The following NHSL2 variants were observed in gnomAD, a reference collection of about 807,000 sequenced individuals.
NHSL2 encodes NHS-like protein 2.
Under a neutral mutation model 53.4 loss-of-function variants are expected in NHSL2, and 27 were observed. The observed-to-expected ratio is 0.51, with a 90% CI of 0.37 to 0.70. The LOEUF (loss-of-function observed/expected upper bound fraction) is 0.70, where lower values mean the gene tolerates loss of function less well. Among genes scored for constraint, NHSL2 ranks in the 30% least tolerant of loss-of-function variants. The pLI is 0.00. For synonymous variants in NHSL2, 408 were observed against 404.1 expected (o/e 1.01, Z -0.12); for missense variants, 892 against 980.1 (o/e 0.91, Z 1.20).
At position 72,140,940 on chromosome X, in the gene NHSL2, C is replaced by A. The variant is rs374058916; in HGVS notation, c.3223+169C>A. 126 of 423,630 alleles carry A rather than the reference C, an allele frequency of 3.0e-4. 4 individuals carry two copies. The highest frequency in any genetic ancestry group is 1.4e-3 in the Admixed American group (29 of 20,576). 34.9% of individuals were successfully genotyped at this position (423,630 alleles called of 1,213,427 possible). A position where few individuals can be genotyped will look rare whatever the true frequency, so the allele number is the denominator to read the frequency against. On this transcript the variant is annotated intron_variant, in intron 6 of 7. Coordinates refer to ENST00000633930, the MANE Select transcript of NHSL2 (RefSeq NM_001013627.3). Reference sequence around the variant, plus strand: ...CTCTAAATAGGAACCACGGGCTGGCCTTACTGCCCTTGAGATCAAGACTAG... The same window carrying A: ...CTCTAAATAGGAACCACGGGCTGGCATTACTGCCCTTGAGATCAAGACTAG...
intron 1 of NHSL2, among the ~76,000 whole-genome samples, chrX:71,965,224 T>C (rs1395129228): frequency 8.9e-6 from 1 of 112,674 alleles, no homozygotes; most frequent in Non-Finnish European, 1.9e-5. Context: ...CGTGTTATTG[T>C]CTGGGAGTTT....
intron 1 of NHSL2, among the ~76,000 whole-genome samples, chrX:71,947,526 T>A (rs949578448): frequency 1.8e-5 from 2 of 112,406 alleles, no homozygotes; most frequent in African/African-American, 6.5e-5. Flanking sequence ...AATCACTCCC[T>A]GATGCTTTGA....
chrX:72,135,323 A>T (rs781771811), intron 4 of NHSL2, among the ~76,000 whole-genome samples: 4 of 112,059 alleles, frequency 3.6e-5, no homozygotes, highest in African/African-American at 1.3e-4. Context: ...GTGCTGTATT[A>T]TATGTAGCCC....
chrX:71,964,428 G>A (rs1164147673), intron 1 of NHSL2, among the ~76,000 whole-genome samples: 1 of 110,663 alleles, frequency 9.0e-6, no homozygotes, highest in African/African-American at 3.3e-5. Flanking sequence ...ATTCCATGGT[G>A]TATATGTGCC....
In NHSL2 at chrX:72,140,652, C is replaced by G; in HGVS notation, c.3104C>G (p.Pro1035Arg). 1 of 1,211,697 alleles carries G rather than the reference C, an allele frequency of 8.3e-7. No homozygotes were observed. Residue 1035 changes from proline (P) to arginine (R), a missense_variant, in exon 6 of 8, where the codon CCC becomes CGC. Transcript: ENST00000633930. ...GCAGAACCAAGGCTGCCTCTCAGCC[C>G]CATCATCACCCTGGAGGAAGACACC... Reference protein sequence around the residue: ...YVAEPRLPLSPIITLEEDTKC... With the variant: ...YVAEPRLPLSRIITLEEDTKC...
chrX:71,948,190 G>A (rs975305136), intron 1 of NHSL2, among the ~76,000 whole-genome samples: 19 of 112,367 alleles, frequency 1.7e-4, no homozygotes, highest in African/African-American at 4.2e-4. Context: ...AATAAATACC[G>A]GTTGAATTGA....
intron 1 of NHSL2, among the ~76,000 whole-genome samples, chrX:71,942,830 G>A (rs780771135): frequency 1.8e-5 from 2 of 111,218 alleles, no homozygotes; most frequent in East Asian, 2.8e-4. Context: ...GGATGTCTGC[G>A]TTGGGAATTG....
chrX:71,995,385 C>T (rs1314353858), intron 1 of NHSL2, among the ~76,000 whole-genome samples: 2 of 108,332 alleles, frequency 1.8e-5, no homozygotes, highest in African/African-American at 6.6e-5. Flanking sequence ...ATCTCTATTT[C>T]AGATGAAAAG....
intron 1 of NHSL2, among the ~76,000 whole-genome samples, chrX:71,934,088 C>T (rs187610748): frequency 9.0e-6 from 1 of 111,264 alleles, no homozygotes; most frequent in African/African-American, 3.3e-5. Flanking sequence ...CTACTAAATT[C>T]TGCCTACTCA....
chrX:72,032,118 G>A (rs780538418), intron 1 of NHSL2, among the ~76,000 whole-genome samples: 55 of 110,684 alleles, frequency 5.0e-4, no homozygotes, highest in African/African-American at 1.7e-3. Context: ...TAAGCCAGGC[G>A]CGGTGGTTCA....
intron 1 of NHSL2, among the ~76,000 whole-genome samples, chrX:71,993,972 A>G (rs1299617966): frequency 2.7e-5 from 3 of 111,716 alleles, no homozygotes; most frequent in African/African-American, 6.5e-5. Context: ...TTAGTTGTAC[A>G]TCACTGAGAA....
chrX:72,074,019 T>TC (rs1294362310), intron 1 of NHSL2, among the ~76,000 whole-genome samples: 1 of 112,477 alleles, frequency 8.9e-6, no homozygotes, highest in Non-Finnish European at 1.9e-5. Flanking sequence ...AGCCAGGGAT[T>TC]CCTGAGGTAA....
intron 1 of NHSL2, among the ~76,000 whole-genome samples, chrX:71,985,684 A>C (rs1257244905): frequency 8.9e-6 from 1 of 112,461 alleles, no homozygotes; most frequent in Non-Finnish European, 1.9e-5. Context: ...GCAATGCTTT[A>C]AGCTAAGTTA....
chrX:72,013,393 C>T (rs2042123576), intron 1 of NHSL2, among the ~76,000 whole-genome samples: 1 of 111,905 alleles, frequency 8.9e-6, no homozygotes, highest in Non-Finnish European at 1.9e-5. Flanking sequence ...TATCCTGCAA[C>T]CTTGCTAAGC....
At chrX:72,039,682 C>T (rs1020082321) in intron 1 of NHSL2, among the ~76,000 whole-genome samples, 6 of 111,834 alleles carry the variant, frequency 5.4e-5, no homozygotes, top group East Asian at 2.8e-4. Context: ...CCCCATGATA[C>T]GTTTAGGACT....
chrX:71,918,437 A>G (rs1448805091), intron 1 of NHSL2, among the ~76,000 whole-genome samples: 1 of 109,007 alleles, frequency 9.2e-6, no homozygotes, highest in East Asian at 2.8e-4. Context: ...TTTTATTTTG[A>G]CTGGAATCAT....
At chrX:71,929,768 G>A (rs1239038428) in intron 1 of NHSL2, among the ~76,000 whole-genome samples, 2 of 109,354 alleles carry the variant, frequency 1.8e-5, no homozygotes, top group Non-Finnish European at 1.9e-5. Context: ...TCTTTTTGGC[G>A]GTGGGGGACA....
chrX:72,025,797 C>T (rs1386233061), intron 1 of NHSL2, among the ~76,000 whole-genome samples: 1 of 111,899 alleles, frequency 8.9e-6, no homozygotes, highest in Non-Finnish European at 1.9e-5. Flanking sequence ...CGGTTTGATG[C>T]TTGGCAGCCA....
At chrX:72,080,500 A>T (rs956824017) in intron 1 of NHSL2, among the ~76,000 whole-genome samples, 1 of 109,934 alleles carries the variant, frequency 9.1e-6, no homozygotes, top group Non-Finnish European at 1.9e-5. Flanking sequence ...GACAGGGTGG[A>T]TGTGATCACA....
Sources: gnomAD v4.1 joint callset for allele counts (sites outside exome capture counted in the v4.1 genomes callset) on GRCh38, gnomAD v4.1.1 for gene constraint, MANE v1.5 for transcripts, NCBI Gene and HGNC (gene_info 2026-07-23, HGNC 2026-07-21) for gene names.